The following RB1 variants were observed in gnomAD, a reference collection of about 807,000 sequenced individuals.
RB1 encodes the protein retinoblastoma-associated protein.
RB1 carries 18 observed loss-of-function variants against 135.4 expected under a neutral mutation model. The observed-to-expected ratio is 0.13, with a 90% CI of 0.09 to 0.20. The LOEUF (loss-of-function observed/expected upper bound fraction) is 0.20, where lower values mean the gene tolerates loss of function less well. RB1 is among the 10% of genes least tolerant of loss of function. The pLI, the probability that RB1 is intolerant of heterozygous loss-of-function variation, is 1.00. For missense variants in RB1, 868 were observed against 1,110.0 expected (o/e 0.78, Z 3.10); for synonymous variants, 365 against 373.2 (o/e 0.98, Z 0.25).
intron 17 of RB1, chr13:48,411,233 T>TA: frequency 1.5e-6 from 1 of 657,464 alleles, no homozygotes; most frequent in Middle Eastern, 4.2e-4. Context: ...TGTTAATGCT[T>TA]AACACATTGA....
chr13:48,308,541 T>C (rs1424978217), intron 2 of RB1, among the ~76,000 whole-genome samples: 9 of 151,590 alleles, frequency 5.9e-5, no homozygotes. Context: ...TAATCTCAGC[T>C]ACTTGGGAGG....
rs1035072779 is a variant in RB1, at chr13:48,463,095, T to C, written c.2107-636T>C. Among the ~76,000 whole-genome samples, 3 of 152,204 alleles carry C rather than the reference T, an allele frequency of 2.0e-5. 1 individual carries two copies. The highest frequency in any genetic ancestry group is 7.2e-5 in the African/African-American group (3 of 41,458). ...AATTAGGCTATAAAGTTCATACAAATAAAGAAAATCTGACATTTTAAAGTC... is the reference window on the plus strand; with the variant it reads ...AATTAGGCTATAAAGTTCATACAAACAAAGAAAATCTGACATTTTAAAGTC... On this transcript the variant is annotated intron_variant, in intron 20 of 26. Transcript: ENST00000267163.
chr13:48,411,624 G>T, intron 17 of RB1: 1 of 1,611,846 alleles, frequency 6.2e-7, no homozygotes, highest in Non-Finnish European at 8.5e-7. Flanking sequence ...CCTTACTGCT[G>T]CCACTACTGA....
intron 12 of RB1, among the ~76,000 whole-genome samples, chr13:48,375,358 A>C (rs1952809954): frequency 6.6e-6 from 1 of 151,978 alleles, no homozygotes; most frequent in Non-Finnish European, 1.5e-5. Context: ...TTTAAAATTA[A>C]TGCCACCTTC....
At chr13:48,342,369 C>G (rs892653402) in intron 2 of RB1, among the ~76,000 whole-genome samples, 16 of 151,740 alleles carry the variant, frequency 1.1e-4, no homozygotes, top group Non-Finnish European at 1.8e-4. Flanking sequence ...AATTTTTTAT[C>G]TTTCTAATAC....
intron 2 of RB1, chr13:48,318,251 C>A (rs1952203047): frequency 3.9e-6 from 3 of 771,216 alleles, no homozygotes; most frequent in Non-Finnish European, 6.1e-6. Context: ...TAAGCACCGG[C>A]GGGCTTCTGT....
At chr13:48,411,601 T>C (rs1418820471) in intron 17 of RB1, 2 of 1,612,404 alleles carry the variant, frequency 1.2e-6, no homozygotes, top group Non-Finnish European at 8.5e-7. Context: ...CAGAGAGTGA[T>C]TGGGTACATT....
intron 5 of RB1, 33 bp from the exon 6 acceptor site, chr13:48,348,923 C>T (rs375808529): frequency 3.0e-4 from 478 of 1,586,318 alleles, no homozygotes; most frequent in Non-Finnish European, 4.0e-4. Flanking sequence ...TACATTTTTC[C>T]TGTTTTTTTT....
At chr13:48,476,546 TTTC>T (rs1949504928) in intron 24 of RB1, 152 bp from the exon 25 acceptor site, 1 of 728,786 alleles carries the variant, frequency 1.4e-6, no homozygotes, top group Non-Finnish European at 2.2e-6. Context: ...TTTTTAGATT[TTTC>T]ATATCTTTTA....
intron 17 of RB1, among the ~76,000 whole-genome samples, chr13:48,444,090 T>C (rs571798848): frequency 5.9e-5 from 9 of 152,250 alleles, no homozygotes; most frequent in African/African-American, 1.9e-4. Flanking sequence ...ATCCCACTGG[T>C]TGGGGTCTCA....
At chr13:48,358,111 T>C (rs770037420) in intron 6 of RB1, among the ~76,000 whole-genome samples, 1 of 152,154 alleles carries the variant, frequency 6.6e-6, no homozygotes, top group Non-Finnish European at 1.5e-5. Context: ...ACCACTAGGC[T>C]GACCCATGTG....
At chr13:48,422,929 C>T (rs1949027661) in intron 17 of RB1, 2 of 152,162 alleles carry the variant, frequency 1.3e-5, no homozygotes, top group Admixed American at 1.3e-4. Context: ...TCACTTGAGA[C>T]CAGGATTTCA....
rs1948955509 is a variant in RB1 at position 48,418,665 on chromosome 13, TC to T, written c.1696-34327del. Among the ~76,000 whole-genome samples the T allele has an allele frequency of 2.0e-5, 3 of 149,466 alleles. No homozygotes were observed. In the South Asian group the frequency reaches 6.3e-4, roughly 31 times the overall value. On this transcript the variant is annotated intron_variant, in intron 17 of 26. Transcript: ENST00000267163. ...TCATCTCACATGCAAAGACACGTGCTCTAAATAAGGGAATGGAGGAAGATTT... is the reference window on the plus strand; with the variant it reads ...TCATCTCACATGCAAAGACACGTGCTTAAATAAGGGAATGGAGGAAGATTT...
At chr13:48,334,209 A>G (rs1030749616) in intron 2 of RB1, among the ~76,000 whole-genome samples, 1 of 152,170 alleles carries the variant, frequency 6.6e-6, no homozygotes, top group Non-Finnish European at 1.5e-5. Flanking sequence ...TGTTGTTTCA[A>G]AAATGTGATT....
chr13:48,312,609 GA>G (rs1332055992), intron 2 of RB1, among the ~76,000 whole-genome samples: 1 of 152,196 alleles, frequency 6.6e-6, no homozygotes, highest in Non-Finnish European at 1.5e-5. Context: ...AACTATACCA[GA>G]CTCCTTCTAT....
chr13:48,371,411 G>A (rs1271613395), intron 11 of RB1, among the ~76,000 whole-genome samples: 1 of 152,114 alleles, frequency 6.6e-6, no homozygotes, highest in Non-Finnish European at 1.5e-5. Context: ...ATTCCACTGA[G>A]GAATATGCCT....
At chr13:48,421,680 AAAC>A (rs1410733580) in intron 17 of RB1, among the ~76,000 whole-genome samples, 2 of 152,196 alleles carry the variant, frequency 1.3e-5, no homozygotes, top group African/African-American at 4.8e-5. Context: ...GGAAAAAAGC[AAAC>A]AACTCCATCA....
chr13:48,431,689 C>A (rs1456579323), intron 17 of RB1, among the ~76,000 whole-genome samples: 1 of 152,142 alleles, frequency 6.6e-6, no homozygotes, highest in Non-Finnish European at 1.5e-5. Context: ...AAACAAAAGA[C>A]CAAAGGACGG....
chr13:48,393,020 C>T (rs1948622764), intron 17 of RB1, among the ~76,000 whole-genome samples: 1 of 152,166 alleles, frequency 6.6e-6, no homozygotes, highest in Admixed American at 6.5e-5. Context: ...TTTTCCTTCA[C>T]TATCCAGGCA....
Sources: gnomAD v4.1 joint callset for allele counts (sites outside exome capture counted in the v4.1 genomes callset) on GRCh38, gnomAD v4.1.1 for gene constraint, MANE v1.5 for transcripts, NCBI Gene and HGNC (gene_info 2026-07-23, HGNC 2026-07-21) for gene names.